PALLD: variants seen among roughly 807,000 people sequenced by gnomAD.
PALLD encodes palladin, cytoskeletal associated protein, also known as palladin.
Under a neutral mutation model 123.5 loss-of-function variants are expected in PALLD, and 61 were observed. The observed-to-expected ratio is 0.49, with a 90% CI of 0.40 to 0.61. PALLD has a LOEUF of 0.61. Ranked by LOEUF, PALLD falls within the 20% of genes least tolerant of loss-of-function variation. The pLI, the probability that PALLD is intolerant of heterozygous loss-of-function variation, is 0.00. For synonymous variants in PALLD, 465 were observed against 496.4 expected, an observed-to-expected ratio of 0.94 and a Z score of 0.84; for missense variants, 1,273 against 1,377.0, an observed-to-expected ratio of 0.92 and a Z score of 1.20.
At position 168,709,047 on chromosome 4, in the gene PALLD, T is replaced by A. The variant is rs994795265; in HGVS notation, c.1521T>A (p.Val507=). 15 of 1,613,404 alleles carry A rather than the reference T, an allele frequency of 9.3e-6. No individual in the cohort carries two copies. The highest frequency in any genetic ancestry group is 1.3e-5 in the Non-Finnish European group (15 of 1,179,330). Residue 507 remains valine, a synonymous_variant, in exon 9 of 22, where the codon GTT becomes GTA. Transcript: ENST00000505667. ...TTCCAGAGGAGATTTGCACCCTAGT[T>A]ATCGCTGAGACTTTCCCTGAAGATG... ...TAEPEEICTL[V]IAETFPEDAG...
At chr4:168,797,654 GC>G (rs1316163957) in intron 10 of PALLD, among the ~76,000 whole-genome samples, 4 of 152,140 alleles carry the variant, frequency 2.6e-5, no homozygotes, top group Admixed American at 2.6e-4. Context: ...ACACAGAATT[GC>G]CAGTTTGCTT....
intron 2 of PALLD, among the ~76,000 whole-genome samples, chr4:168,560,658 A>C (rs1767772588): frequency 6.6e-6 from 1 of 152,194 alleles, no homozygotes; most frequent in South Asian, 2.1e-4. Context: ...AGCTGTCAGG[A>C]GATCAGAGAA....
chr4:168,755,939 A>G (rs761512995), intron 10 of PALLD: 110 of 169,008 alleles, frequency 6.5e-4, no homozygotes, highest in Admixed American at 1.2e-3. Context: ...TCACGTCAGT[A>G]TAGAACTCGG....
At chr4:168,823,979 A>T (rs1445468657) in intron 10 of PALLD, among the ~76,000 whole-genome samples, 3 of 152,262 alleles carry the variant, frequency 2.0e-5, no homozygotes, top group Non-Finnish European at 4.4e-5. Flanking sequence ...CACCAAAGTT[A>T]TGTCAAGCTT....
At chr4:168,881,439 G>A (rs914210396) in intron 10 of PALLD, among the ~76,000 whole-genome samples, 7 of 150,678 alleles carry the variant, frequency 4.6e-5, no homozygotes, top group African/African-American at 1.7e-4. Flanking sequence ...TAAATCTGGG[G>A]AAGAAAGGCA....
Position 168,649,557 on chromosome 4 carries a change from A to G in PALLD, c.909-18633A>G, listed in dbSNP as rs150003319. Among the ~76,000 whole-genome samples, 91 of 152,326 alleles carry G rather than the reference A, an allele frequency of 6.0e-4. No homozygotes were observed. The East Asian group carries it at 0.014, about 23-fold the overall frequency. On this transcript the variant is annotated intron_variant, in intron 2 of 21. Transcript: ENST00000505667. The stretch of plus-strand genomic sequence containing the variant: ...TTAATTTGCTTTCTGTGCCTCCACA[A>G]TGGTCTTTTTCCTTAGCTTTGGAAA...
At chr4:168,805,378 C>G (rs960469384) in intron 10 of PALLD, among the ~76,000 whole-genome samples, 2 of 151,794 alleles carry the variant, frequency 1.3e-5, no homozygotes, top group Non-Finnish European at 2.9e-5. Flanking sequence ...GATGTGAACC[C>G]TAATACTGGT....
chr4:168,914,582 A>G (rs1399474905), intron 16 of PALLD, among the ~76,000 whole-genome samples: 4 of 152,172 alleles, frequency 2.6e-5, no homozygotes, highest in Non-Finnish European at 5.9e-5. Context: ...GAGTCTATGC[A>G]AGGACACTGA....
intron 11 of PALLD, among the ~76,000 whole-genome samples, chr4:168,892,836 G>A (rs1754355322): frequency 6.6e-6 from 1 of 151,048 alleles, no homozygotes; most frequent in African/African-American, 2.4e-5. Context: ...TATATATATT[G>A]TATGTATATT....
At chr4:168,784,650 C>A (rs1736423502) in intron 10 of PALLD, among the ~76,000 whole-genome samples, 1 of 152,144 alleles carries the variant, frequency 6.6e-6, no homozygotes, top group African/African-American at 2.4e-5. Context: ...ATTGCTCACA[C>A]CTTCATTGAT....
chr4:168,681,413 T>C lies in PALLD; in HGVS notation c.1154+15T>C. The C allele has an allele frequency of 6.6e-7, 1 of 1,511,046 alleles. No individual in the cohort carries two copies. Among genetic ancestry groups the C allele is most frequent in the Non-Finnish European group, 9.2e-7 (1 of 1,086,406 alleles). The allele number at this position is 1,511,046 out of a possible 1,614,324, so 93.6% of individuals were successfully genotyped here. ...GCTATGCCACAGTAAGTGCCTACAA[T>C]TCCATCGATTATGTGGAAACAAAGA... On this transcript the variant is annotated intron_variant, in intron 4 of 21. Coordinates refer to ENST00000505667, the MANE Select transcript of PALLD (RefSeq NM_001166108.2).
At chr4:168,608,020 A>T (rs7668348) in intron 2 of PALLD, among the ~76,000 whole-genome samples, 8,080 of 152,214 alleles carry the variant, frequency 0.053, 703 homozygotes, top group African/African-American at 0.18. Context: ...TTTGCATTTT[A>T]TAGGTCCCAC....
chr4:168,635,869 G>GA (rs1326645198), intron 2 of PALLD, among the ~76,000 whole-genome samples: 1 of 152,188 alleles, frequency 6.6e-6, no homozygotes, highest in African/African-American at 2.4e-5. Flanking sequence ...CACCTGATGA[G>GA]AAAATCTTAT....
chr4:168,883,081 T>C (rs201166619), intron 10 of PALLD, among the ~76,000 whole-genome samples: 1 of 106,178 alleles, frequency 9.4e-6, no homozygotes, highest in Non-Finnish European at 2.1e-5. Context: ...AGAGCAAAAC[T>C]CTGTCTCAAA....
At chr4:168,498,521 A>C (rs1489477136) in intron 1 of PALLD, among the ~76,000 whole-genome samples, 3 of 152,242 alleles carry the variant, frequency 2.0e-5, no homozygotes, top group East Asian at 3.8e-4. Flanking sequence ...AAGAGATACC[A>C]AGTGGAATCT....
chr4:168,521,845 T>C (rs995747461), intron 2 of PALLD, among the ~76,000 whole-genome samples: 1 of 152,238 alleles, frequency 6.6e-6, no homozygotes, highest in East Asian at 1.9e-4. Flanking sequence ...AGTGGGATAC[T>C]TTCCCTTGGT....
intron 2 of PALLD, among the ~76,000 whole-genome samples, chr4:168,538,569 G>A (rs1035515881): frequency 2.0e-5 from 3 of 151,960 alleles, no homozygotes; most frequent in African/African-American, 2.4e-5. Flanking sequence ...TTATACCTGC[G>A]CTCATTCTGT....
At chr4:168,702,637 C>G (rs896985976) in intron 8 of PALLD, among the ~76,000 whole-genome samples, 1 of 152,020 alleles carries the variant, frequency 6.6e-6, no homozygotes, top group Non-Finnish European at 1.5e-5. Context: ...TAGCCAGGAC[C>G]CTGAGAGAAT....
chr4:168,831,891 CA>C, intron 10 of PALLD: 8 of 569,440 alleles, frequency 1.4e-5, no homozygotes, highest in Non-Finnish European at 1.8e-5. Context: ...CAGAAAGATG[CA>C]AAGGGCGGGA....
Sources: gnomAD v4.1 joint callset for allele counts (sites outside exome capture counted in the v4.1 genomes callset) on GRCh38, gnomAD v4.1.1 for gene constraint, MANE v1.5 for transcripts, NCBI Gene and HGNC (gene_info 2026-07-23, HGNC 2026-07-21) for gene names.